PRKG1: variants seen among roughly 807,000 people sequenced by gnomAD.
PRKG1 encodes cGMP-dependent protein kinase 1.
In PRKG1, 35 loss-of-function variants were observed where a neutral mutation model predicts 88.1. That is an observed-to-expected ratio of 0.40 (90% CI 0.30 to 0.53). The LOEUF is 0.53. PRKG1 is among the 20% of genes least tolerant of loss of function. PRKG1 has a pLI of 0.59. For synonymous variants in PRKG1, 303 were observed against 292.5 expected, an observed-to-expected ratio of 1.04 and a Z score of -0.37; for missense variants, 540 against 839.8, an observed-to-expected ratio of 0.64 and a Z score of 4.41.
chr10:52,013,758 G>T (rs1844961890), intron 5 of PRKG1, among the ~76,000 whole-genome samples: 1 of 152,138 alleles, frequency 6.6e-6, no homozygotes, highest in African/African-American at 2.4e-5. Context: ...AAATAGCAGT[G>T]GCTGATCAAC....
chr10:52,273,569 C>T (rs1043976010), intron 12 of PRKG1, among the ~76,000 whole-genome samples: 4 of 151,940 alleles, frequency 2.6e-5, no homozygotes, highest in Non-Finnish European at 5.9e-5. Flanking sequence ...CTTATGGTAC[C>T]TTCATATCTT....
intron 2 of PRKG1, among the ~76,000 whole-genome samples, chr10:51,265,335 T>A (rs1302764102): frequency 6.6e-6 from 1 of 152,258 alleles, no homozygotes; most frequent in African/African-American, 2.4e-5. Flanking sequence ...GGATGCCCAG[T>A]TGAATTAGAA....
intron 4 of PRKG1, among the ~76,000 whole-genome samples, chr10:51,860,837 T>A (rs1840855205): frequency 6.6e-6 from 1 of 152,130 alleles, no homozygotes; most frequent in African/African-American, 2.4e-5. Context: ...ATGGAAAGCA[T>A]ATAAGAAAAG....
At chr10:51,577,019 A>G (rs1186304807) in intron 3 of PRKG1, among the ~76,000 whole-genome samples, 4 of 152,008 alleles carry the variant, frequency 2.6e-5, no homozygotes, top group Non-Finnish European at 1.5e-5. Context: ...TAGAACTATC[A>G]TACTTGGATT....
chr10:51,969,687 A>G (rs1461187233), intron 5 of PRKG1, among the ~76,000 whole-genome samples: 1 of 152,072 alleles, frequency 6.6e-6, no homozygotes, highest in Admixed American at 6.6e-5. Flanking sequence ...TTTCAGAGAA[A>G]TGAGAAAGGC....
chr10:51,466,407 A>T (rs1296503571), intron 2 of PRKG1, among the ~76,000 whole-genome samples: 2 of 152,048 alleles, frequency 1.3e-5, no homozygotes, highest in African/African-American at 4.8e-5. Context: ...GGGCATGCAT[A>T]CACCAGTCAA....
chr10:51,265,704 G>C (rs1249016646), intron 2 of PRKG1, among the ~76,000 whole-genome samples: 4 of 151,808 alleles, frequency 2.6e-5, no homozygotes, highest in Non-Finnish European at 5.9e-5. Context: ...TGAAGTGAGT[G>C]CTCCAGGAGA....
chr10:51,889,744 G>A lies in PRKG1; in HGVS notation c.699-17763G>A, dbSNP rs1373526296. 7.9e-5 allele frequency among the ~76,000 whole-genome samples: 12 copies of A among 152,154 alleles called. No individual in the cohort carries two copies. In the East Asian group the frequency reaches 9.7e-4, roughly 12 times the overall value. The stretch of plus-strand genomic sequence containing the variant: ...GTTGTTTCCTGACTTTTTAATGATC[G>A]CCATTCTAACTGGTATGAGATGGTA... On this transcript the variant is annotated intron_variant, in intron 4 of 17. Transcript: ENST00000373980.
intron 7 of PRKG1, among the ~76,000 whole-genome samples, chr10:52,099,622 C>T (rs1847250527): frequency 6.6e-6 from 1 of 152,162 alleles, no homozygotes; most frequent in African/African-American, 2.4e-5. Context: ...AGATGGATCA[C>T]AGTGGGTTCA....
intron 3 of PRKG1, among the ~76,000 whole-genome samples, chr10:51,515,675 A>G (rs924610858): frequency 2.6e-5 from 4 of 152,198 alleles, no homozygotes; most frequent in African/African-American, 9.6e-5. Context: ...GCTTAGCCCA[A>G]TTCTTCACAC....
chr10:51,183,395 C>T (rs1837402604), intron 2 of PRKG1, among the ~76,000 whole-genome samples: 1 of 152,212 alleles, frequency 6.6e-6, no homozygotes, highest in Admixed American at 6.5e-5. Flanking sequence ...CCCTGGATCT[C>T]ATGCATTAAG....
chr10:51,893,969 A>T (rs761646785), intron 4 of PRKG1, among the ~76,000 whole-genome samples: 4 of 152,148 alleles, frequency 2.6e-5, no homozygotes, highest in Admixed American at 1.3e-4. Context: ...TTACAATACA[A>T]GTGTAAGTGC....
chr10:51,059,877 C>T (rs948632920), intron 1 of PRKG1, among the ~76,000 whole-genome samples: 3 of 152,054 alleles, frequency 2.0e-5, no homozygotes, highest in Non-Finnish European at 2.9e-5. Flanking sequence ...TATATTTCTG[C>T]CTGCCTAGGT....
At chr10:51,202,070 C>T (rs1022602036) in intron 2 of PRKG1, among the ~76,000 whole-genome samples, 2 of 152,130 alleles carry the variant, frequency 1.3e-5, no homozygotes, top group Non-Finnish European at 2.9e-5. Context: ...GCTATTGGTG[C>T]CCTCCCTGGA....
chr10:51,594,266 C>T lies in PRKG1; in HGVS notation c.592+126430C>T, dbSNP rs537817600. ...TGATCTTGAACTCCTGGCCACAATT[C>T]ATCTTCCCACCTCGGCCTCTAAAAG... is the stretch of plus-strand genomic sequence containing the variant. On this transcript the variant is annotated intron_variant, in intron 3 of 17. Transcript: ENST00000373980. 2.6e-5 allele frequency among the ~76,000 whole-genome samples: 4 copies of T among 152,198 alleles called. No homozygotes were observed. In the East Asian group the frequency reaches 7.7e-4, roughly 29 times the overall value.
At chr10:51,545,083 T>C (rs1225735855) in intron 3 of PRKG1, among the ~76,000 whole-genome samples, 1 of 152,078 alleles carries the variant, frequency 6.6e-6, no homozygotes, top group Non-Finnish European at 1.5e-5. Flanking sequence ...ATGTGACTCA[T>C]ATTTATTTGC....
At chr10:51,157,993 AT>A (rs1846257202) in intron 2 of PRKG1, among the ~76,000 whole-genome samples, 2 of 151,688 alleles carry the variant, frequency 1.3e-5, no homozygotes, top group East Asian at 3.9e-4. Flanking sequence ...CATCTCAAAC[AT>A]TTTTCATTTT....
At chr10:51,923,946 G>T (rs1193172535) in intron 5 of PRKG1, among the ~76,000 whole-genome samples, 1 of 151,418 alleles carries the variant, frequency 6.6e-6, no homozygotes, top group Non-Finnish European at 1.5e-5. Context: ...CTCCCACCTA[G>T]GTCTCTTGAG....
intron 5 of PRKG1, among the ~76,000 whole-genome samples, chr10:51,928,156 G>T (rs1842617531): frequency 6.6e-6 from 1 of 152,042 alleles, no homozygotes; most frequent in Non-Finnish European, 1.5e-5. Flanking sequence ...AAAGCTCAAG[G>T]GCCAGAAAGC....
Sources: gnomAD v4.1 joint callset for allele counts (sites outside exome capture counted in the v4.1 genomes callset) on GRCh38, gnomAD v4.1.1 for gene constraint, MANE v1.5 for transcripts, NCBI Gene and HGNC (gene_info 2026-07-23, HGNC 2026-07-21) for gene names.